The following PLGRKT variants were observed in gnomAD, a reference collection of about 807,000 sequenced individuals.
PLGRKT encodes plasminogen receptor (KT).
Under a neutral mutation model 18.5 loss-of-function variants are expected in PLGRKT, and 22 were observed. That is an observed-to-expected ratio of 1.19 (90% CI 0.85 to 1.70). PLGRKT has a LOEUF of 1.70. PLGRKT is among the 40% of genes most tolerant of loss of function. PLGRKT has a pLI of 0.00. For missense variants in PLGRKT, 235 were observed against 174.4 expected, an observed-to-expected ratio of 1.35 and a Z score of -1.96; for synonymous variants, 72 against 52.8, an observed-to-expected ratio of 1.36 and a Z score of -1.58.
intron 3 of PLGRKT, among the ~76,000 whole-genome samples, chr9:5,370,118 A>G (rs1375569469): frequency 1.3e-5 from 2 of 152,190 alleles, no homozygotes; most frequent in Non-Finnish European, 2.9e-5. Flanking sequence ...AATAAAAAAC[A>G]TAAAAGGAAG....
chr9:5,437,899 G>C lies in PLGRKT; in HGVS notation c.-243C>G, dbSNP rs759711864. 2 of 152,356 alleles carry C rather than the reference G, an allele frequency of 1.3e-5. No individual in the cohort carries two copies. Among genetic ancestry groups the C allele is most frequent in the East Asian group, 3.9e-4 (2 of 5,184 alleles). The allele number at this position is 152,356 out of a possible 1,614,324, so 9.4% of individuals were successfully genotyped here. A position where few individuals can be genotyped will look rare whatever the true frequency, so the allele number is the denominator to read the frequency against. On this transcript the variant is annotated 5_prime_UTR_variant, in exon 1 of 6. Coordinates refer to ENST00000223864, the MANE Select transcript of PLGRKT (RefSeq NM_018465.4). Reference sequence around the variant, plus strand: ...CGCTCCGCCCAGCGTCGGGATTGGCGCCCAGACACAGTAGATGACGCACCT... The same window carrying C: ...CGCTCCGCCCAGCGTCGGGATTGGCCCCCAGACACAGTAGATGACGCACCT...
chr9:5,419,204 C>G (rs536274609), intron 3 of PLGRKT, among the ~76,000 whole-genome samples: 1 of 152,320 alleles, frequency 6.6e-6, no homozygotes, highest in South Asian at 2.1e-4. Flanking sequence ...AGGCCAGCAG[C>G]AATGGCAATT....
At chr9:5,380,437 G>C (rs1817720662) in intron 3 of PLGRKT, among the ~76,000 whole-genome samples, 1 of 150,502 alleles carries the variant, frequency 6.6e-6, no homozygotes, top group South Asian at 2.1e-4. Flanking sequence ...CTTATGATGT[G>C]CCAGATACTA....
intron 2 of PLGRKT, among the ~76,000 whole-genome samples, chr9:5,435,526 A>G (rs1301502968): frequency 6.6e-6 from 1 of 152,192 alleles, no homozygotes; most frequent in Non-Finnish European, 1.5e-5. Flanking sequence ...AAAAATGGAA[A>G]AACATACAGA....
chr9:5,415,665 A>G (rs1586736845), intron 3 of PLGRKT, among the ~76,000 whole-genome samples: 2 of 152,338 alleles, frequency 1.3e-5, no homozygotes, highest in South Asian at 2.1e-4. Flanking sequence ...CTCTGATACA[A>G]TGCAACAAGG....
At chr9:5,394,176 T>C (rs1469904340) in intron 3 of PLGRKT, among the ~76,000 whole-genome samples, 2 of 151,884 alleles carry the variant, frequency 1.3e-5, no homozygotes, top group African/African-American at 2.4e-5. Context: ...GACTTTTTGA[T>C]GTTGTGACTA....
At chr9:5,414,367 C>T (rs1419849703) in intron 3 of PLGRKT, among the ~76,000 whole-genome samples, 1 of 152,162 alleles carries the variant, frequency 6.6e-6, no homozygotes, top group African/African-American at 2.4e-5. Flanking sequence ...GAGGTTTCAC[C>T]ATGTTGGGCA....
chr9:5,422,376 T>C (rs1168645453), intron 3 of PLGRKT, among the ~76,000 whole-genome samples: 2 of 152,112 alleles, frequency 1.3e-5, no homozygotes, highest in East Asian at 1.9e-4. Flanking sequence ...ACCTCTAGAT[T>C]TACCACTTCA....
chr9:5,363,089 C>A (rs1437181147), intron 3 of PLGRKT, among the ~76,000 whole-genome samples: 1 of 151,848 alleles, frequency 6.6e-6, no homozygotes, highest in African/African-American at 2.4e-5. Flanking sequence ...AGCAGGGGGA[C>A]TACCAATGAG....
intron 3 of PLGRKT, 130 bp downstream of exon 3, chr9:5,431,767 C>G (rs1029083665): frequency 3.4e-6 from 2 of 590,580 alleles, no homozygotes; most frequent in Admixed American, 3.0e-5. Flanking sequence ...GCCATTTTAT[C>G]TTGGTTTTAA....
intron 3 of PLGRKT, among the ~76,000 whole-genome samples, chr9:5,372,596 T>G (rs941736245): frequency 3.9e-5 from 6 of 152,192 alleles, no homozygotes; most frequent in African/African-American, 7.2e-5. Flanking sequence ...ACTCCACAGC[T>G]ACTGCCTCCT....
chr9:5,360,505 C>A (rs1817239972), intron 5 of PLGRKT, among the ~76,000 whole-genome samples: 5 of 152,166 alleles, frequency 3.3e-5, no homozygotes, highest in Admixed American at 3.3e-4. Flanking sequence ...CATCATTTTT[C>A]AACCCCTGGT....
intron 3 of PLGRKT, among the ~76,000 whole-genome samples, chr9:5,427,559 G>A (rs983132395): frequency 6.6e-6 from 1 of 152,148 alleles, no homozygotes; most frequent in Admixed American, 6.5e-5. Context: ...CTGTTACTGT[G>A]GCTAATTTAT....
chr9:5,426,548 C>G (rs1818705300), intron 3 of PLGRKT, among the ~76,000 whole-genome samples: 1 of 152,168 alleles, frequency 6.6e-6, no homozygotes, highest in Non-Finnish European at 1.5e-5. Flanking sequence ...CTATATTCCC[C>G]TGTTCATCCT....
chr9:5,371,740 G>C (rs1372277763), intron 3 of PLGRKT, among the ~76,000 whole-genome samples: 1 of 152,094 alleles, frequency 6.6e-6, no homozygotes, highest in Admixed American at 6.5e-5. Context: ...TGAAGTTGAA[G>C]ACAATTCCAG....
chr9:5,437,676 C>A (rs1416438800), intron 1 of PLGRKT, 113 bp downstream of exon 1: 1 of 152,346 alleles, frequency 6.6e-6, no homozygotes, highest in African/African-American at 2.4e-5. Context: ...CCGGCGCTCA[C>A]GAGGAGCGGG....
At chr9:5,371,362 T>C (rs1360231658) in intron 3 of PLGRKT, among the ~76,000 whole-genome samples, 5 of 152,140 alleles carry the variant, frequency 3.3e-5, no homozygotes, top group African/African-American at 1.2e-4. Flanking sequence ...TCTCCCACAA[T>C]CCTCACATGT....
intron 3 of PLGRKT, among the ~76,000 whole-genome samples, chr9:5,416,369 G>A (rs777321254): frequency 6.6e-6 from 1 of 152,124 alleles, no homozygotes; most frequent in Non-Finnish European, 1.5e-5. Flanking sequence ...AAGGTTACCT[G>A]AAATTCTGTT....
intron 3 of PLGRKT, among the ~76,000 whole-genome samples, chr9:5,386,024 C>T (rs1817836453): frequency 6.6e-6 from 1 of 151,730 alleles, no homozygotes; most frequent in South Asian, 2.1e-4. Context: ...ACTGCCATAT[C>T]TAGTATCTCC....
Sources: gnomAD v4.1 joint callset for allele counts (sites outside exome capture counted in the v4.1 genomes callset) on GRCh38, gnomAD v4.1.1 for gene constraint, MANE v1.5 for transcripts, NCBI Gene and HGNC (gene_info 2026-07-23, HGNC 2026-07-21) for gene names.